EIF4B: variants seen among roughly 807,000 people sequenced by gnomAD.
EIF4B encodes the protein eukaryotic translation initiation factor 4B.
A neutral mutation model predicts 79.3 loss-of-function variants in EIF4B; 8 were observed. The observed-to-expected ratio is 0.10, with a 90% CI of 0.06 to 0.18. The LOEUF is 0.18. Ranked by LOEUF, EIF4B falls within the 10% of genes least tolerant of loss-of-function variation. EIF4B has a pLI of 1.00. For missense variants in EIF4B, 515 were observed against 792.4 expected (o/e 0.65, Z 4.20); for synonymous variants, 238 against 274.7 (o/e 0.87, Z 1.32).
chr12:53,014,382 C>T (rs1290636018), intron 1 of EIF4B, among the ~76,000 whole-genome samples: 1 of 149,302 alleles, frequency 6.7e-6, no homozygotes, highest in Non-Finnish European at 1.5e-5. Context: ...CACTGCACTC[C>T]AGCCTGTATG....
intron 1 of EIF4B, among the ~76,000 whole-genome samples, chr12:53,006,734 T>C (rs1942967164): frequency 6.6e-6 from 1 of 151,582 alleles, no homozygotes; most frequent in Non-Finnish European, 1.5e-5. Flanking sequence ...GAGATTGGAA[T>C]AGGCAGTAAT....
Position 53,022,696 on chromosome 12 carries a change from G to A in EIF4B, c.667+69G>A, listed in dbSNP as rs1943266406. The A allele has an allele frequency of 1.8e-5, 28 of 1,538,384 alleles. No individual in the cohort carries two copies. The South Asian group carries it at 2.7e-4, about 15-fold the overall frequency. On this transcript the variant is annotated intron_variant, in intron 6 of 14. Coordinates refer to ENST00000262056, the MANE Select transcript of EIF4B (RefSeq NM_001417.7). ...GGCTATTTAGTAATAGGACAAATGTGTTACAGATGATCAGATCACATTAAC... is the reference window on the plus strand; with the variant it reads ...GGCTATTTAGTAATAGGACAAATGTATTACAGATGATCAGATCACATTAAC...
rs746191135 is a variant in EIF4B, at chr12:53,033,999, G to A, written c.1173G>A (p.Leu391=). 2.0e-5 allele frequency: 32 copies of A among 1,613,520 alleles called. No individual in the cohort carries two copies. The East Asian group carries it at 2.5e-4, about 12-fold the overall frequency. The change falls in exon 9 of 15, where the codon CTG becomes CTA. Residue 391 remains leucine, a synonymous_variant. Transcript: ENST00000262056. ...QKEQEKLQRQ[L]DEPKLERRPR... ...AACAAGAGAAGTTGCAGCGTCAGCT[G>A]GATGAGCCAAAACTAGAACGACGGC...
rs765599328 is a variant in EIF4B, at chr12:53,019,977, A to C, written c.428A>C (p.Glu143Ala). ...AGGTTGAAAGGTTTTGGTTATGCTG[A>C]ATTTGAGGACCTGGATTCCCTGCTC... Reference protein sequence around the residue: ...PERLKGFGYAEFEDLDSLLSA... With the variant: ...PERLKGFGYAAFEDLDSLLSA... Residue 143 changes from glutamate (E) to alanine (A), a missense_variant, in exon 4 of 15, where the codon GAA (glutamate) becomes GCA (alanine). Physicochemically the swap from Glu to Ala is moderately radical, Grantham distance 107. Transcript: ENST00000262056. 1.2e-6 allele frequency: 2 copies of C among 1,612,746 alleles called. No individual in the cohort carries two copies. The highest frequency in any genetic ancestry group is 3.4e-5 in the Admixed American group (2 of 59,536).
In EIF4B at chr12:53,037,577, C is replaced by G. The variant is rs1268708158; in HGVS notation, c.1475C>G (p.Pro492Arg). Residue 492 changes from proline to arginine, a missense_variant, in exon 11 of 15, where the codon CCT (proline) becomes CGT (arginine). Around this residue, in one of 6 missense-constraint regions of EIF4B, gnomAD observed 146 missense variants for 228.0 expected, o/e 0.64. Transcript: ENST00000262056. ...NAWVKRSSNP[P>R]ARSQSSDTEQ... The stretch of plus-strand genomic sequence containing the variant: ...TGGGTGAAGCGAAGTTCTAACCCTC[C>G]TGCTCGATCTCAGAGCTCAGACACA... The G allele has an allele frequency of 6.2e-7, 1 of 1,613,890 alleles. No homozygotes were observed. Among genetic ancestry groups the G allele is most frequent in the African/African-American group, 1.3e-5 (1 of 74,930 alleles).
chr12:53,039,106 G>T, intron 12 of EIF4B, 132 bp from the exon 13 acceptor site: 1 of 615,790 alleles, frequency 1.6e-6, no homozygotes, highest in Non-Finnish European at 2.8e-6. Flanking sequence ...CAGGAAGGAA[G>T]TCTGGGTTGG....
In EIF4B at chr12:53,008,379, C is replaced by T. The variant is rs557949506; in HGVS notation, c.13+1883C>T. ...CTTCAGTAAATCTTTTTAGCTGGTA[C>T]TGGTATCTGAGCACAAGTCACATCT... On this transcript the variant is annotated intron_variant, in intron 1 of 14. Transcript: ENST00000262056. Among the ~76,000 whole-genome samples, 6 of 152,308 alleles carry T rather than the reference C, an allele frequency of 3.9e-5. No individual in the cohort carries two copies. In the South Asian group the frequency reaches 1.2e-3, roughly 32 times the overall value.
intron 1 of EIF4B, among the ~76,000 whole-genome samples, chr12:53,015,099 TTATAG>T (rs918936745): frequency 4.8e-4 from 73 of 152,226 alleles, no homozygotes; most frequent in African/African-American, 1.7e-3. Flanking sequence ...TGCAGTGTTG[TTATAG>T]TAGAGGAGGA....
chr12:53,031,304 C>T (rs1014975002), intron 8 of EIF4B, among the ~76,000 whole-genome samples: 2 of 152,192 alleles, frequency 1.3e-5, no homozygotes, highest in Non-Finnish European at 2.9e-5. Context: ...GAGACAGGAT[C>T]TCACTCTGTC....
chr12:53,022,852 C>T (rs1943269590), intron 6 of EIF4B, among the ~76,000 whole-genome samples: 1 of 152,120 alleles, frequency 6.6e-6, no homozygotes, highest in Non-Finnish European at 1.5e-5. Context: ...ACAGACATTT[C>T]TCTTTTTTTG....
intron 5 of EIF4B, among the ~76,000 whole-genome samples, chr12:53,022,094 G>A (rs1430685483): frequency 6.6e-6 from 1 of 152,182 alleles, no homozygotes; most frequent in Middle Eastern, 3.2e-3. Context: ...ATTCTATAGG[G>A]AATAGGACAG....
At position 53,022,528 on chromosome 12, in the gene EIF4B, C is replaced by T; in HGVS notation, c.568C>T (p.Arg190Trp). 2.5e-6 allele frequency: 4 copies of T among 1,613,136 alleles called. No homozygotes were observed. The highest frequency in any genetic ancestry group is 1.1e-5 in the South Asian group (1 of 91,036). Residue 190 changes from arginine to tryptophan, a missense_variant, in exon 6 of 15, where the codon CGG (arginine) becomes TGG (tryptophan). Arg to Trp is a moderately radical substitution (Grantham distance 101). Coordinates refer to ENST00000262056, the MANE Select transcript of EIF4B (RefSeq NM_001417.7). Reference protein sequence around the residue: ...DDRSFGRDRNRDSDKTDTDWR... With the variant: ...DDRSFGRDRNWDSDKTDTDWR... The stretch of plus-strand genomic sequence containing the variant: ...TCGTTCTTTTGGCCGTGATAGAAAT[C>T]GGGATTCTGACAAAACAGATACAGA...
intron 11 of EIF4B, chr12:53,037,850 G>A (rs916399182): frequency 4.6e-5 from 26 of 560,080 alleles, no homozygotes; most frequent in Middle Eastern, 4.8e-4. Flanking sequence ...TACTAATGCC[G>A]CACAAATCTG....
intron 4 of EIF4B, among the ~76,000 whole-genome samples, chr12:53,020,630 T>C (rs1269351038): frequency 6.6e-6 from 1 of 152,190 alleles, no homozygotes; most frequent in Non-Finnish European, 1.5e-5. Flanking sequence ...AAACACCTTA[T>C]TGTTTATTGA....
At chr12:53,019,380 CAA>C (rs112992552) in intron 3 of EIF4B, among the ~76,000 whole-genome samples, 3 of 136,098 alleles carry the variant, frequency 2.2e-5, no homozygotes, top group African/African-American at 5.5e-5. Context: ...GCCTGGGCAA[CAA>C]GAGTGAAACA....
chr12:53,033,996 G>A lies in EIF4B; in HGVS notation c.1170G>A (p.Gln390=). 1.2e-6 allele frequency: 2 copies of A among 1,613,586 alleles called. No homozygotes were observed. Among genetic ancestry groups the A allele is most frequent in the South Asian group, 2.2e-5 (2 of 90,964 alleles). ...AGGAACAAGAGAAGTTGCAGCGTCA[G>A]CTGGATGAGCCAAAACTAGAACGAC... The part of the protein sequence containing the change: ...LQKEQEKLQR[Q]LDEPKLERRP... The change falls in exon 9 of 15, where the codon CAG becomes CAA. Residue 390 remains glutamine, a synonymous_variant. Coordinates refer to ENST00000262056, the MANE Select transcript of EIF4B (RefSeq NM_001417.7).
At chr12:53,010,810 T>A (rs775826755) in intron 1 of EIF4B, among the ~76,000 whole-genome samples, 2 of 152,064 alleles carry the variant, frequency 1.3e-5, no homozygotes, top group Non-Finnish European at 2.9e-5. Context: ...CGACCTCAGG[T>A]GATCTTCCCA....
At chr12:53,020,170 A>G (rs781238676) in intron 4 of EIF4B, 144 bp downstream of exon 4, 11 of 612,880 alleles carry the variant, frequency 1.8e-5, no homozygotes, top group Non-Finnish European at 2.7e-5. Flanking sequence ...TTAACAGTGT[A>G]TCACTTAACA....
rs527698020 is a variant in EIF4B, at chr12:53,016,459, G to A, written c.14-14G>A. 5 of 1,611,846 alleles carry A rather than the reference G, an allele frequency of 3.1e-6. No individual in the cohort carries two copies. The South Asian group carries it at 3.3e-5, about 11-fold the overall frequency. ...AGTATTGGTGAATAATCTTTCTCTTGCCTTTTAAAACAGCAAAAAAGAAGA... is the reference window on the plus strand; with the variant it reads ...AGTATTGGTGAATAATCTTTCTCTTACCTTTTAAAACAGCAAAAAAGAAGA... On this transcript the variant is annotated splice_polypyrimidine_tract_variant and intron_variant, in intron 1 of 14. Transcript: ENST00000262056.
Sources: gnomAD v4.1 joint callset for allele counts (sites outside exome capture counted in the v4.1 genomes callset) on GRCh38, gnomAD v4.1.1 for gene constraint, gnomAD v4.1.1 regional missense constraint, MANE v1.5 for transcripts, NCBI Gene and HGNC (gene_info 2026-07-23, HGNC 2026-07-21) for gene names.